The following FGD4 variants were observed in gnomAD, a reference collection of about 807,000 sequenced individuals.
FGD4 encodes FYVE, RhoGEF and PH domain containing 4.
In FGD4, 42 loss-of-function variants were observed where a neutral mutation model predicts 102.0. That is an observed-to-expected ratio of 0.41 (90% CI 0.32 to 0.53). The LOEUF is 0.53. Among genes scored for constraint, FGD4 ranks in the 20% least tolerant of loss-of-function variants. The pLI is 0.21. For missense variants in FGD4, 902 were observed against 1,078.2 expected, an observed-to-expected ratio of 0.84 and a Z score of 2.29; for synonymous variants, 380 against 375.7, an observed-to-expected ratio of 1.01 and a Z score of -0.13.
intron 1 of FGD4, among the ~76,000 whole-genome samples, chr12:32,416,880 C>A (rs374673598): frequency 5.3e-5 from 8 of 151,686 alleles, no homozygotes; most frequent in Admixed American, 4.6e-4. Context: ...TGCTCATTAA[C>A]GTCCTTTTCT....
intron 1 of FGD4, among the ~76,000 whole-genome samples, chr12:32,458,735 T>C (rs1943018125): frequency 6.6e-6 from 1 of 152,194 alleles, no homozygotes; most frequent in Non-Finnish European, 1.5e-5. Flanking sequence ...CTTGACAAAT[T>C]AGTGATAGGG....
chr12:32,636,407 C>T (rs1950817762), intron 15 of FGD4, among the ~76,000 whole-genome samples: 1 of 152,036 alleles, frequency 6.6e-6, no homozygotes, highest in Non-Finnish European at 1.5e-5. Flanking sequence ...GTGGCGTGTG[C>T]CTGTAATCCC....
chr12:32,616,401 C>T (rs145843151), intron 10 of FGD4, among the ~76,000 whole-genome samples: 2 of 152,292 alleles, frequency 1.3e-5, no homozygotes, highest in Admixed American at 6.5e-5. Context: ...GCCGTTGCCT[C>T]CCAGGAGAAT....
At chr12:32,607,700 A>T (rs1435338929) in intron 7 of FGD4, among the ~76,000 whole-genome samples, 1 of 152,156 alleles carries the variant, frequency 6.6e-6, no homozygotes, top group Non-Finnish European at 1.5e-5. Flanking sequence ...TTTTTAGTAG[A>T]GGCGGGGTTT....
chr12:32,620,872 A>G (rs1949798918), intron 11 of FGD4, among the ~76,000 whole-genome samples: 1 of 151,082 alleles, frequency 6.6e-6, no homozygotes, highest in African/African-American at 2.4e-5. Context: ...CATGTTGACC[A>G]GGCTGGTCTC....
chr12:32,627,720 G>A (rs4931647), intron 14 of FGD4, among the ~76,000 whole-genome samples: 22,761 of 152,074 alleles, frequency 0.15, 1,953 homozygotes, highest in Middle Eastern at 0.26. Flanking sequence ...TCAGGCCAGC[G>A]AAGGCAGATA....
At chr12:32,577,496 A>G (rs921223325) in intron 3 of FGD4, among the ~76,000 whole-genome samples, 2 of 152,182 alleles carry the variant, frequency 1.3e-5, no homozygotes, top group East Asian at 1.9e-4. Flanking sequence ...AGTGTCCCTC[A>G]TTTTTTAAAT....
intron 4 of FGD4, among the ~76,000 whole-genome samples, chr12:32,593,014 C>T (rs1947606231): frequency 6.6e-6 from 1 of 152,072 alleles, no homozygotes; most frequent in Non-Finnish European, 1.5e-5. Flanking sequence ...ATAGTGAGAG[C>T]CAAGGTATAT....
At chr12:32,435,814 T>G (rs1942211081) in intron 1 of FGD4, among the ~76,000 whole-genome samples, 2 of 152,328 alleles carry the variant, frequency 1.3e-5, no homozygotes, top group South Asian at 4.1e-4. Context: ...TTCTACTTAC[T>G]GCTTTAAAAT....
chr12:32,466,297 T>C (rs898993192), intron 1 of FGD4, among the ~76,000 whole-genome samples: 1 of 152,086 alleles, frequency 6.6e-6, no homozygotes, highest in Non-Finnish European at 1.5e-5. Context: ...ATATAAAAAA[T>C]TGTATCATAA....
chr12:32,473,043 G>A (rs1943463162), intron 1 of FGD4, among the ~76,000 whole-genome samples: 1 of 147,660 alleles, frequency 6.8e-6, no homozygotes, highest in East Asian at 2.0e-4. Flanking sequence ...TGCTCTGGTG[G>A]GGCCTTGGAG....
At chr12:32,562,561 C>T (rs1179223111) in intron 1 of FGD4, among the ~76,000 whole-genome samples, 1 of 152,140 alleles carries the variant, frequency 6.6e-6, no homozygotes, top group Non-Finnish European at 1.5e-5. Context: ...ACCCTGCGGC[C>T]TTCCGCAGTG....
intron 1 of FGD4, among the ~76,000 whole-genome samples, chr12:32,470,696 C>T (rs1222523557): frequency 3.3e-5 from 5 of 151,954 alleles, no homozygotes; most frequent in Non-Finnish European, 7.4e-5. Flanking sequence ...TCAGGTAATC[C>T]GGCCTCCTCA....
At chr12:32,610,715 C>A in intron 8 of FGD4, 61 bp from the exon 9 acceptor site, 1 of 1,457,448 alleles carries the variant, frequency 6.9e-7, no homozygotes. Context: ...AGTTACTCAG[C>A]TATATAGAAG....
intron 13 of FGD4, 23 bp downstream of exon 13, chr12:32,625,091 C>T: frequency 1.3e-6 from 2 of 1,572,680 alleles, no homozygotes; most frequent in Non-Finnish European, 1.7e-6. Context: ...AAATTCTTAA[C>T]TTCAACCTCT....
At position 32,640,670 on chromosome 12, in the gene FGD4, C is replaced by T; in HGVS notation, c.*137C>T. 3.3e-6 allele frequency: 4 copies of T among 1,208,286 alleles called. No homozygotes were observed. In the South Asian group the frequency reaches 3.9e-5, roughly 12 times the overall value. 74.8% of individuals were successfully genotyped at this position (1,208,286 alleles called of 1,614,324 possible). ...AATGCATCTTTTGAGGACTATTTTC[C>T]TATGTTTATGTACTCTTAGTGAAAT... On this transcript the variant is annotated 3_prime_UTR_variant, in exon 17 of 17. Transcript: ENST00000534526.
chr12:32,439,084 C>T (rs1210296008), intron 1 of FGD4, among the ~76,000 whole-genome samples: 1 of 152,180 alleles, frequency 6.6e-6, no homozygotes, highest in East Asian at 1.9e-4. Context: ...TCCTATCCAA[C>T]TGAAATTTTG....
At chr12:32,425,156 T>C (rs1941786715) in intron 1 of FGD4, among the ~76,000 whole-genome samples, 1 of 152,230 alleles carries the variant, frequency 6.6e-6, no homozygotes, top group East Asian at 1.9e-4. Flanking sequence ...CATGCCTATG[T>C]CCTGAATGGT....
At chr12:32,599,321 C>T (rs561420331) in intron 5 of FGD4, among the ~76,000 whole-genome samples, 15 of 147,170 alleles carry the variant, frequency 1.0e-4, no homozygotes, top group Middle Eastern at 6.9e-3. Context: ...GGTGAAACCC[C>T]GTCTCTACTA....
Sources: allele counts gnomAD v4.1 joint callset (sites outside exome capture counted in the v4.1 genomes callset), GRCh38; gene constraint gnomAD v4.1.1; transcripts MANE v1.5; gene names NCBI Gene and HGNC (gene_info 2026-07-23, HGNC 2026-07-21).